Variants in WDR41 observed in about 807,000 individuals in gnomAD.
WDR41 encodes the protein WD repeat-containing protein 41.
A neutral mutation model predicts 69.3 loss-of-function variants in WDR41; 63 were observed. The ratio of observed to expected loss-of-function variants is 0.91; its 90% CI spans 0.74 to 1.12. The LOEUF (loss-of-function observed/expected upper bound fraction) is 1.12, where lower values mean the gene tolerates loss of function less well. Among genes scored for constraint, WDR41 ranks in the 50% most tolerant of loss-of-function variants. The probability of loss-of-function intolerance (pLI) is 0.00; values close to 1 mark genes in which losing one functional copy is unlikely to be tolerated. For synonymous variants in WDR41, 185 were observed against 192.1 expected (o/e 0.96, Z 0.31); for missense variants, 543 against 534.5 (o/e 1.02, Z -0.16).
At chr5:77,438,510 C>T in intron 9 of WDR41, 149 bp from the exon 10 acceptor site, 1 of 1,147,180 alleles carries the variant, frequency 8.7e-7, no homozygotes, top group Non-Finnish European at 1.2e-6. Flanking sequence ...ATCTCTGAAA[C>T]CCCAAAATGT....
At chr5:77,434,482 G>C (rs1180638849) in intron 12 of WDR41, among the ~76,000 whole-genome samples, 2 of 151,896 alleles carry the variant, frequency 1.3e-5, no homozygotes, top group South Asian at 4.2e-4. Context: ...CGCCAGTAGA[G>C]CAAGGATGAA....
intron 6 of WDR41, chr5:77,452,858 A>C (rs1218071582): frequency 2.0e-5 from 3 of 152,214 alleles, no homozygotes; most frequent in African/African-American, 7.2e-5. Flanking sequence ...TTTCAGCCCC[A>C]ATTTCAACAT....
chr5:77,589,646 A>C (rs1744101281), intron 1 of WDR41, among the ~76,000 whole-genome samples: 1 of 152,192 alleles, frequency 6.6e-6, no homozygotes, highest in Non-Finnish European at 1.5e-5. Flanking sequence ...TTATCATTTT[A>C]AAATTCTTCA....
At chr5:77,437,314 C>T (rs755414953) in intron 11 of WDR41, 22 bp downstream of exon 11, 1 of 1,608,418 alleles carries the variant, frequency 6.2e-7, no homozygotes, top group East Asian at 2.2e-5. Flanking sequence ...AAAAGACTAC[C>T]TTTTTGAGAG....
intron 1 of WDR41, among the ~76,000 whole-genome samples, chr5:77,541,121 T>C (rs1743080350): frequency 6.6e-6 from 1 of 152,188 alleles, no homozygotes; most frequent in South Asian, 2.1e-4. Context: ...GTGGAAAGTC[T>C]GACATGCAAA....
At chr5:77,561,724 A>C (rs1743527969) in intron 1 of WDR41, among the ~76,000 whole-genome samples, 1 of 152,190 alleles carries the variant, frequency 6.6e-6, no homozygotes, top group Non-Finnish European at 1.5e-5. Flanking sequence ...TTCACTTCAT[A>C]GTGAATCAAT....
At position 77,451,350 on chromosome 5, in the gene WDR41, A is replaced by G; in HGVS notation, c.527T>C (p.Ile176Thr). The change falls in exon 7 of 13, where the codon ATT (isoleucine) becomes ACT (threonine). Residue 176 changes from isoleucine to threonine, a missense_variant. Coordinates refer to ENST00000296679, the MANE Select transcript of WDR41 (RefSeq NM_018268.4). ...CKTSHLSDTG[I>T]SALVEIPKNC... is the part of the protein sequence containing the mutation. ...CTTAGGTATTTCAACCAAAGCACTA[A>G]TACCTCCAAAAACATATAAAACAAA... The G allele has an allele frequency of 6.2e-7, 1 of 1,613,430 alleles. No individual in the cohort carries two copies. Among genetic ancestry groups the G allele is most frequent in the Non-Finnish European group, 8.5e-7 (1 of 1,179,572 alleles).
chr5:77,600,856 G>T (rs944159488), intron 1 of WDR41, among the ~76,000 whole-genome samples: 2 of 151,510 alleles, frequency 1.3e-5, no homozygotes, highest in Non-Finnish European at 2.9e-5. Context: ...CTCCAGCCTG[G>T]ATGGCAAAGT....
chr5:77,518,646 T>C (rs982609961), intron 1 of WDR41, among the ~76,000 whole-genome samples: 6 of 152,154 alleles, frequency 3.9e-5, no homozygotes, highest in Admixed American at 2.6e-4. Flanking sequence ...AATACTATTT[T>C]CTTAATTTGT....
chr5:77,574,260 T>G lies in WDR41; in HGVS notation c.42+46219A>C, dbSNP rs185516419. 6.7e-3 allele frequency among the ~76,000 whole-genome samples: 1,021 copies of G among 152,178 alleles called. 14 individuals carry two copies. Among genetic ancestry groups the G allele is most frequent in the African/African-American group, 0.023 (973 of 41,502 alleles). ...GTGCAGTGAGCCGAGATCGCACCACTGCACTCCAGCCTGGGCAACAGAGCG... is the reference window on the plus strand; with the variant it reads ...GTGCAGTGAGCCGAGATCGCACCACGGCACTCCAGCCTGGGCAACAGAGCG... On this transcript the variant is annotated intron_variant, in intron 1 of 5. Transcript: ENST00000509971.
At chr5:77,513,934 T>C (rs1802248653) in intron 1 of WDR41, among the ~76,000 whole-genome samples, 1 of 151,200 alleles carries the variant, frequency 6.6e-6, no homozygotes, top group Non-Finnish European at 1.5e-5. Flanking sequence ...AATGACTGCA[T>C]AATCAAACAT....
At chr5:77,518,712 G>T (rs1052433647) in intron 1 of WDR41, among the ~76,000 whole-genome samples, 1 of 152,030 alleles carries the variant, frequency 6.6e-6, no homozygotes, top group Non-Finnish European at 1.5e-5. Flanking sequence ...CTTAAAATAT[G>T]TTTGGATTAA....
chr5:77,439,656 C>G (rs1799082679), intron 9 of WDR41, among the ~76,000 whole-genome samples: 1 of 152,170 alleles, frequency 6.6e-6, no homozygotes, highest in Admixed American at 6.5e-5. Context: ...TCCCCGCTAT[C>G]AATAACTAAC....
chr5:77,532,513 A>G (rs1230914339), intron 1 of WDR41, among the ~76,000 whole-genome samples: 2 of 152,056 alleles, frequency 1.3e-5, no homozygotes, highest in East Asian at 1.9e-4. Flanking sequence ...GTCCATAACA[A>G]CTCTACTTAT....
At chr5:77,609,674 G>C (rs1744502873) in intron 1 of WDR41, among the ~76,000 whole-genome samples, 1 of 151,952 alleles carries the variant, frequency 6.6e-6, no homozygotes, top group Non-Finnish European at 1.5e-5. Context: ...CATCATCAAA[G>C]ACCAAAAGTA....
At chr5:77,470,575 T>C (rs903091647) in intron 2 of WDR41, among the ~76,000 whole-genome samples, 2 of 152,102 alleles carry the variant, frequency 1.3e-5, no homozygotes, top group Admixed American at 6.5e-5. Flanking sequence ...AATAAAGGGA[T>C]AGAGGAAGAT....
intron 1 of WDR41, among the ~76,000 whole-genome samples, chr5:77,618,823 G>A (rs1744725896): frequency 6.6e-6 from 1 of 152,204 alleles, no homozygotes; most frequent in Admixed American, 6.5e-5. Context: ...GACTTGCTTT[G>A]TGGGACATCA....
At chr5:77,527,499 T>C (rs1802466821) in intron 1 of WDR41, among the ~76,000 whole-genome samples, 1 of 151,808 alleles carries the variant, frequency 6.6e-6, no homozygotes. Context: ...ATAAAGCAAA[T>C]GTTACAGGAC....
At chr5:77,610,780 G>A (rs549990215) in intron 1 of WDR41, among the ~76,000 whole-genome samples, 1,742 of 152,022 alleles carry the variant, frequency 0.011, 21 homozygotes, top group African/African-American at 0.04. Flanking sequence ...ACATCATAAT[G>A]ACAGGATCAA....
Sources: allele counts gnomAD v4.1 joint callset (sites outside exome capture counted in the v4.1 genomes callset), GRCh38; gene constraint gnomAD v4.1.1; transcripts MANE v1.5; gene names NCBI Gene and HGNC (gene_info 2026-07-23, HGNC 2026-07-21).